The following PARD6G variants were observed in gnomAD, a reference collection of about 807,000 sequenced individuals.
PARD6G encodes partitioning defective 6 homolog gamma.
In PARD6G, 7 loss-of-function variants were observed where a neutral mutation model predicts 10.7. The observed-to-expected ratio is 0.66, with a 90% CI of 0.37 to 1.23. PARD6G has a LOEUF of 1.23. Ranked by LOEUF, PARD6G falls within the 50% of genes most tolerant of loss-of-function variation. The pLI, the probability that PARD6G is intolerant of heterozygous loss-of-function variation, is 0.02. For synonymous variants in PARD6G, 287 were observed against 269.4 expected, an observed-to-expected ratio of 1.07 and a Z score of -0.64; for missense variants, 548 against 571.8, an observed-to-expected ratio of 0.96 and a Z score of 0.42.
At chr18:80,238,188 G>A (rs1286100892) in intron 1 of PARD6G, among the ~76,000 whole-genome samples, 3 of 152,140 alleles carry the variant, frequency 2.0e-5, no homozygotes, top group Non-Finnish European at 4.4e-5. Flanking sequence ...CGTGTCCTTT[G>A]TAGGGACATG....
intron 1 of PARD6G, among the ~76,000 whole-genome samples, chr18:80,208,278 TATATC>T (rs1294656288): frequency 6.6e-6 from 1 of 152,170 alleles, no homozygotes; most frequent in Non-Finnish European, 1.5e-5. Flanking sequence ...AACTTAAAAA[TATATC>T]ATCCCCTTTT....
chr18:80,177,215 AGC>A (rs1479586799), intron 2 of PARD6G, among the ~76,000 whole-genome samples: 12 of 51,464 alleles, frequency 2.3e-4, no homozygotes, highest in Non-Finnish European at 3.1e-4. Context: ...CTAAATGGGA[AGC>A]GCACACACAC....
chr18:80,226,401 C>A (rs1203530336), intron 1 of PARD6G, among the ~76,000 whole-genome samples: 1 of 151,970 alleles, frequency 6.6e-6, no homozygotes, highest in Non-Finnish European at 1.5e-5. Context: ...GAACTCCCGA[C>A]CTCAGGTGAT....
At chr18:80,214,088 A>C (rs1967135888) in intron 1 of PARD6G, among the ~76,000 whole-genome samples, 1 of 152,162 alleles carries the variant, frequency 6.6e-6, no homozygotes, top group Non-Finnish European at 1.5e-5. Context: ...TTCCTAGGCA[A>C]AGATTTTAAA....
chr18:80,215,571 G>C (rs1197967099), intron 1 of PARD6G, among the ~76,000 whole-genome samples: 3 of 152,100 alleles, frequency 2.0e-5, no homozygotes, highest in African/African-American at 7.2e-5. Context: ...ATCTGAGCTA[G>C]ATTGTTTTAA....
chr18:80,244,787 A>G (rs996296230), intron 1 of PARD6G, among the ~76,000 whole-genome samples: 2 of 152,170 alleles, frequency 1.3e-5, no homozygotes, highest in Non-Finnish European at 2.9e-5. Context: ...TGCTACATTG[A>G]GGTTGTCATA....
chr18:80,171,120 T>TA (rs918578442), intron 2 of PARD6G: 2 of 152,116 alleles, frequency 1.3e-5, no homozygotes, highest in Admixed American at 6.5e-5. Context: ...AAGTAATAAT[T>TA]AAAAAAATCC....
At position 80,200,894 on chromosome 18, in the gene PARD6G, A is replaced by G. The variant is rs1485906709; in HGVS notation, c.295+1816T>C. Among the ~76,000 whole-genome samples the G allele has an allele frequency of 6.6e-6, 1 of 152,242 alleles. No individual in the cohort carries two copies. The highest frequency in any genetic ancestry group is 6.5e-5 in the Admixed American group (1 of 15,288). ...CCTGGGGCCCACCTCCAAAGGGCACAGTGCCTTCTGCTGGCCTTCACCCCA... is the reference window on the plus strand; with the variant it reads ...CCTGGGGCCCACCTCCAAAGGGCACGGTGCCTTCTGCTGGCCTTCACCCCA... On this transcript the variant is annotated intron_variant, in intron 2 of 2. Transcript: ENST00000353265. This position sits in a 1 kb window ranked among gnomAD's most constrained non-coding sequence, Gnocchi z 4.4.
chr18:80,214,914 T>C (rs1967148079), intron 1 of PARD6G, among the ~76,000 whole-genome samples: 1 of 151,822 alleles, frequency 6.6e-6, no homozygotes, highest in Non-Finnish European at 1.5e-5. Context: ...CCTAGACACA[T>C]CACATGCAAA....
intron 2 of PARD6G, among the ~76,000 whole-genome samples, chr18:80,164,675 A>C (rs1384015366): frequency 6.6e-6 from 1 of 152,218 alleles, no homozygotes; most frequent in Middle Eastern, 3.2e-3. Flanking sequence ...CGTAGGTTCT[A>C]TTTTCCATAA....
chr18:80,231,432 G>A lies in PARD6G; in HGVS notation c.72+15845C>T, dbSNP rs750016006. The stretch of plus-strand genomic sequence containing the variant: ...AATTAGGCAGTTCTGCATCCGAGCT[G>A]TGCTGCCCACTGGGAGCGGCTGAGG... On this transcript the variant is annotated intron_variant, in intron 1 of 2. Transcript: ENST00000353265. The surrounding 1 kb of genome is among the most constrained non-coding windows in gnomAD (Gnocchi z 4.2). Among the ~76,000 whole-genome samples the A allele has an allele frequency of 1.3e-5, 2 of 152,192 alleles. No individual in the cohort carries two copies. The highest frequency in any genetic ancestry group is 2.9e-5 in the Non-Finnish European group (2 of 68,028).
At chr18:80,170,555 C>T (rs2052769100) in intron 2 of PARD6G, 1 of 152,314 alleles carries the variant, frequency 6.6e-6, no homozygotes, top group Non-Finnish European at 1.5e-5. Flanking sequence ...GTGCCTGCCC[C>T]AGGACCTGTG....
In PARD6G at chr18:80,164,136, C is replaced by A. The variant is rs189630721; in HGVS notation, c.296-3530G>T. Among the ~76,000 whole-genome samples the A allele has an allele frequency of 2.0e-5, 3 of 152,354 alleles. No homozygotes were observed. The East Asian group carries it at 5.8e-4, about 29-fold the overall frequency. Reference sequence around the variant, plus strand: ...TAACTACCCCACCTGCTGCACCCCACACACAGAGCCTGGACCCTCACCTCC... The same window carrying A: ...TAACTACCCCACCTGCTGCACCCCAAACACAGAGCCTGGACCCTCACCTCC... On this transcript the variant is annotated intron_variant, in intron 2 of 2. Transcript: ENST00000353265.
In PARD6G at chr18:80,157,999, T is replaced by G. The variant is rs1014193964; in HGVS notation, c.*1772A>C. 6.6e-6 allele frequency: 1 copy of G among 152,242 alleles called. No individual in the cohort carries two copies. The highest frequency in any genetic ancestry group is 1.5e-5 in the Non-Finnish European group (1 of 68,044). The allele number at this position is 152,242 out of a possible 1,614,324, so 9.4% of individuals were successfully genotyped here. On this transcript the variant is annotated 3_prime_UTR_variant, in exon 3 of 3. Transcript: ENST00000353265. ...TCCGACAACCTAGAAAAATATTTCT[T>G]TACCTGTATCTGTATGAAAGATTTG... is the stretch of plus-strand genomic sequence containing the variant.
intron 2 of PARD6G, among the ~76,000 whole-genome samples, chr18:80,185,698 A>G (rs1463164221): frequency 6.3e-5 from 9 of 143,166 alleles, no homozygotes; most frequent in South Asian, 2.3e-4. Flanking sequence ...ACCCTCACAC[A>G]CATGCACCCA....
At chr18:80,207,447 C>G (rs1568437334) in intron 1 of PARD6G, among the ~76,000 whole-genome samples, 2 of 151,718 alleles carry the variant, frequency 1.3e-5, no homozygotes, top group Non-Finnish European at 2.9e-5. Context: ...TAGTGATTAT[C>G]AATAAATACT....
In PARD6G at chr18:80,158,866, T is replaced by C. The variant is rs1326612982; in HGVS notation, c.*905A>G. ...CAAACAAAAAAAAGCCCCGGAACAA[T>C]TCCACAGCTGCGGGTGCCATAAGTG... On this transcript the variant is annotated 3_prime_UTR_variant, in exon 3 of 3. Coordinates refer to ENST00000353265, the MANE Select transcript of PARD6G (RefSeq NM_032510.4). The C allele has an allele frequency of 6.6e-6, 1 of 151,610 alleles. No homozygotes were observed. Among genetic ancestry groups the C allele is most frequent in the Non-Finnish European group, 1.5e-5 (1 of 67,944 alleles). 9.4% of individuals were successfully genotyped at this position (151,610 alleles called of 1,614,324 possible). A position where few individuals can be genotyped will look rare whatever the true frequency, so the allele number is the denominator to read the frequency against.
rs1341032297 is a variant in PARD6G, at chr18:80,161,141, G to A, written c.296-535C>T. Among the ~76,000 whole-genome samples the A allele has an allele frequency of 2.0e-5, 3 of 152,110 alleles. No homozygotes were observed. The highest frequency in any genetic ancestry group is 2.9e-5 in the Non-Finnish European group (2 of 68,014). ...AGGCCCCTGAATGTGTCACTCAGTC[G>A]GGCGTGTGAGCATTTCCCTGCGTTT... On this transcript the variant is annotated intron_variant, in intron 2 of 2. Coordinates refer to ENST00000353265, the MANE Select transcript of PARD6G (RefSeq NM_032510.4). This position sits in a 1 kb window ranked among gnomAD's most constrained non-coding sequence, Gnocchi z 4.6.
At position 80,200,964 on chromosome 18, in the gene PARD6G, GGCAAC is replaced by G. The variant is rs1967001933; in HGVS notation, c.295+1741_295+1745del. Reference sequence around the variant, plus strand: ...AAAAAGACTTGTTTCCTGCACGATGGGCAACAAAGCCTGTGCGCACATCTGCAGTT... The same window carrying G: ...AAAAAGACTTGTTTCCTGCACGATGGAAAGCCTGTGCGCACATCTGCAGTT... On this transcript the variant is annotated intron_variant, in intron 2 of 2. Coordinates refer to ENST00000353265, the MANE Select transcript of PARD6G (RefSeq NM_032510.4). This position sits in a 1 kb window ranked among gnomAD's most constrained non-coding sequence, Gnocchi z 4.4. Among the ~76,000 whole-genome samples, 1 of 152,172 alleles carries G rather than the reference GGCAAC, an allele frequency of 6.6e-6. No homozygotes were observed. Among genetic ancestry groups the G allele is most frequent in the African/African-American group, 2.4e-5 (1 of 41,436 alleles).
Sources: allele counts gnomAD v4.1 joint callset (sites outside exome capture counted in the v4.1 genomes callset), GRCh38; gene constraint gnomAD v4.1.1; non-coding constraint Gnocchi (gnomAD v3.1); transcripts MANE v1.5; gene names NCBI Gene and HGNC (gene_info 2026-07-23, HGNC 2026-07-21).